The following PCDHA11 variants were observed in gnomAD, a reference collection of about 807,000 sequenced individuals.
PCDHA11 encodes protocadherin alpha 11.
In PCDHA11, 61 loss-of-function variants were observed where a neutral mutation model predicts 70.3. That is an observed-to-expected ratio of 0.87 (90% CI 0.71 to 1.07). The LOEUF is 1.07. PCDHA11 is among the 50% of genes least tolerant of loss of function. The probability of loss-of-function intolerance (pLI) is 0.00; values close to 1 mark genes in which losing one functional copy is unlikely to be tolerated. For missense variants in PCDHA11, 1,324 were observed against 1,237.5 expected (o/e 1.07, Z -1.05); for synonymous variants, 633 against 555.1 (o/e 1.14, Z -1.97).
intron 1 of PCDHA11, chr5:140,876,689 C>T: frequency 1.2e-6 from 2 of 1,614,228 alleles, no homozygotes; most frequent in Middle Eastern, 1.6e-4. Context: ...AATTACTACT[C>T]GTTGGTGCTG....
intron 1 of PCDHA11, chr5:140,884,726 T>A: frequency 6.9e-7 from 1 of 1,455,756 alleles, no homozygotes; most frequent in Non-Finnish European, 9.1e-7. Flanking sequence ...GTTGTTTGTT[T>A]AAGACATCTT....
chr5:140,967,740 A>G, intron 1 of PCDHA11: 6 of 1,614,170 alleles, frequency 3.7e-6, no homozygotes, highest in Non-Finnish European at 5.1e-6. Flanking sequence ...GGGCTGGATT[A>G]TGAGGAAGCC....
chr5:140,985,236 C>G (rs1338808702), intron 3 of PCDHA11, among the ~76,000 whole-genome samples: 1 of 152,184 alleles, frequency 6.6e-6, no homozygotes, highest in Admixed American at 6.5e-5. Context: ...CGCGCCTGGC[C>G]TAATCTTCTT....
chr5:140,963,811 G>A (rs2153736544), intron 1 of PCDHA11, among the ~76,000 whole-genome samples: 1 of 152,288 alleles, frequency 6.6e-6, no homozygotes, highest in Middle Eastern at 3.4e-3. Context: ...TAGTCACTGT[G>A]CAAATTGCTT....
chr5:140,983,444 TC>T (rs1554245415), intron 3 of PCDHA11, among the ~76,000 whole-genome samples: 1 of 152,224 alleles, frequency 6.6e-6, no homozygotes. Context: ...TCTACTCTAA[TC>T]CTCTATTAAT....
chr5:140,952,571 C>G (rs571628495), intron 1 of PCDHA11, among the ~76,000 whole-genome samples: 2 of 152,252 alleles, frequency 1.3e-5, no homozygotes, highest in East Asian at 3.9e-4. Flanking sequence ...ACTTCGGTCC[C>G]AATCATTCAA....
chr5:140,877,074 G>A (rs1554169286), intron 1 of PCDHA11: 1 of 1,613,132 alleles, frequency 6.2e-7, no homozygotes, highest in Non-Finnish European at 8.5e-7. Flanking sequence ...TGCAGTTCCA[G>A]GTGAGCGCGC....
At chr5:140,877,127 A>G (rs2056869003) in intron 1 of PCDHA11, 1 of 1,613,602 alleles carries the variant, frequency 6.2e-7, no homozygotes, top group African/African-American at 1.3e-5. Flanking sequence ...GTGACGCTGC[A>G]GGTGTTCGTG....
intron 1 of PCDHA11, among the ~76,000 whole-genome samples, chr5:140,873,597 T>C (rs2054375206): frequency 6.6e-6 from 1 of 152,354 alleles, no homozygotes; most frequent in Middle Eastern, 3.4e-3. Context: ...TAAACTTAGA[T>C]GTTCCTATTG....
chr5:140,942,660 A>G (rs145204660), intron 1 of PCDHA11, among the ~76,000 whole-genome samples: 2 of 152,306 alleles, frequency 1.3e-5, no homozygotes, highest in East Asian at 1.9e-4. Context: ...CAGAAAAGCA[A>G]TAAGCACAAA....
At chr5:140,916,263 C>A (rs541005754) in intron 1 of PCDHA11, among the ~76,000 whole-genome samples, 43 of 152,316 alleles carry the variant, frequency 2.8e-4, no homozygotes, top group African/African-American at 1.0e-3. Flanking sequence ...ACCCCAAGAG[C>A]ATGCTTGTTG....
At chr5:140,989,565 G>A (rs782538666) in intron 3 of PCDHA11, among the ~76,000 whole-genome samples, 12 of 152,134 alleles carry the variant, frequency 7.9e-5, no homozygotes, top group South Asian at 4.1e-4. Context: ...TTGTGGCTCC[G>A]GCAAGCCCTG....
At chr5:140,997,668 TTGTGTGTGTGTG>T (rs35184029) in intron 3 of PCDHA11, among the ~76,000 whole-genome samples, 3 of 148,244 alleles carry the variant, frequency 2.0e-5, no homozygotes, top group South Asian at 2.2e-4. Context: ...ATTATACAGC[TTGTGTGTGTGTG>T]TGTGTGTGTG....
chr5:140,899,551 GC>G (rs1220661801), intron 1 of PCDHA11, among the ~76,000 whole-genome samples: 12 of 152,288 alleles, frequency 7.9e-5, no homozygotes, highest in Middle Eastern at 6.8e-3. Context: ...TGGTGGATAA[GC>G]TTTTTGATGT....
At chr5:140,990,445 A>C (rs1212288513) in intron 3 of PCDHA11, among the ~76,000 whole-genome samples, 2 of 152,140 alleles carry the variant, frequency 1.3e-5, no homozygotes, top group Non-Finnish European at 2.9e-5. Context: ...TTGTGTCCAG[A>C]GCTGTTGCTG....
rs781868424 is a variant in PCDHA11 at position 140,870,774 on chromosome 5, G to GAACGAC, written c.1676_1681dup (p.Asp559_Asn560dup). On this transcript the variant is annotated inframe_insertion, in exon 1 of 4. Transcript: ENST00000398640. ...CGCTGCAGGTGTTCGTGCTGGACGA[G>GAACGAC]AACGACAACGCGCCGGCACTGCTGG... 1 of 1,613,632 alleles carries GAACGAC rather than the reference G, an allele frequency of 6.2e-7. No homozygotes were observed. Among genetic ancestry groups the GAACGAC allele is most frequent in the South Asian group, 1.1e-5 (1 of 91,078 alleles).
chr5:140,908,169 C>T (rs1361651305), intron 1 of PCDHA11, among the ~76,000 whole-genome samples: 2 of 152,192 alleles, frequency 1.3e-5, no homozygotes, highest in African/African-American at 4.8e-5. Context: ...TGTAGTGCTG[C>T]AGCTGTCCAC....
rs145391750 is a variant in PCDHA11, at chr5:140,989,649, A to G, written c.2539+7086A>G. On this transcript the variant is annotated intron_variant, in intron 3 of 3. Coordinates refer to ENST00000398640, the MANE Select transcript of PCDHA11 (RefSeq NM_018902.5). ...GTGACAGCAAGGGTCTTTCATGGCA[A>G]TATTTTAAAAGAAACTCTGCCCAGA... 1.8e-3 allele frequency among the ~76,000 whole-genome samples: 268 copies of G among 152,316 alleles called. 1 individual carries two copies. The highest frequency in any genetic ancestry group is 6.3e-3 in the African/African-American group (263 of 41,564).
At chr5:141,000,413 ATATATATATTT>A (rs1563651437) in intron 3 of PCDHA11, among the ~76,000 whole-genome samples, 3 of 93,258 alleles carry the variant, frequency 3.2e-5, no homozygotes, top group African/African-American at 1.4e-4. Flanking sequence ...ATATATATAT[ATATATATATTT>A]TTTTTTTTTT....
Sources: gnomAD v4.1 joint callset for allele counts (sites outside exome capture counted in the v4.1 genomes callset) on GRCh38, gnomAD v4.1.1 for gene constraint, MANE v1.5 for transcripts, NCBI Gene and HGNC (gene_info 2026-07-23, HGNC 2026-07-21) for gene names.